The following GRSF1 variants were observed in gnomAD, a reference collection of about 807,000 sequenced individuals.
GRSF1 encodes the protein G-rich RNA sequence binding factor 1.
GRSF1 carries 50 observed loss-of-function variants against 51.1 expected under a neutral mutation model. The ratio of observed to expected loss-of-function variants is 0.98; its 90% confidence interval spans 0.78 to 1.24. The LOEUF is 1.24. GRSF1 is among the 50% of genes most tolerant of loss of function. GRSF1 has a pLI of 0.00. For missense variants in GRSF1, 700 were observed against 639.7 expected (o/e 1.09, Z -1.02); for synonymous variants, 293 against 253.3 (o/e 1.16, Z -1.49).
At chr4:70,826,495 T>C (rs921647633) in intron 6 of GRSF1, among the ~76,000 whole-genome samples, 1 of 150,112 alleles carries the variant, frequency 6.7e-6, no homozygotes, top group Non-Finnish European at 1.5e-5. Context: ...AAAATGATTA[T>C]GAATTAAACC....
At chr4:70,840,495 C>T (rs1056527174), upstream of GRSF1, among the ~76,000 whole-genome samples, 1 of 152,190 alleles carries the variant, frequency 6.6e-6, no homozygotes, top group South Asian at 2.1e-4. Context: ...GACGCGGTGG[C>T]TCCCGCCTGT....
At chr4:70,824,408 A>C in intron 8 of GRSF1, 40 bp from the exon 9 acceptor site, 1 of 1,050,014 alleles carries the variant, frequency 9.5e-7, no homozygotes, top group Non-Finnish European at 1.5e-6. Context: ...AAAGTTGAAA[A>C]GGTAGAAAAA....
chr4:70,828,349 A>T (rs1412759537), intron 5 of GRSF1, among the ~76,000 whole-genome samples: 1 of 152,240 alleles, frequency 6.6e-6, no homozygotes, highest in Non-Finnish European at 1.5e-5. Flanking sequence ...AGAAAAAATT[A>T]ATCTCATAAG....
At chr4:70,830,253 C>T (rs1056847307) in intron 5 of GRSF1, among the ~76,000 whole-genome samples, 1 of 151,986 alleles carries the variant, frequency 6.6e-6, no homozygotes, top group African/African-American at 2.4e-5. Flanking sequence ...ACAGCAAGAC[C>T]CCACCTACAA....
chr4:70,840,762 C>CCAAA (rs1209657971), upstream of GRSF1, among the ~76,000 whole-genome samples: 2 of 151,906 alleles, frequency 1.3e-5, no homozygotes, highest in Non-Finnish European at 2.9e-5. Context: ...GACGCCATCT[C>CCAAA]CAAACAAACA....
At chr4:70,833,624 T>C (rs1236752278) in intron 2 of GRSF1, among the ~76,000 whole-genome samples, 2 of 152,248 alleles carry the variant, frequency 1.3e-5, no homozygotes, top group African/African-American at 4.8e-5. Flanking sequence ...TGTCTTCCTT[T>C]AAAATCATCT....
chr4:70,835,490 T>G (rs1366853451), intron 2 of GRSF1, among the ~76,000 whole-genome samples: 8 of 140,660 alleles, frequency 5.7e-5, no homozygotes, highest in Non-Finnish European at 1.5e-5. Context: ...AGAGTCTCAC[T>G]CTGTCGCCCA....
chr4:70,827,372 A>C (rs1345626102), intron 6 of GRSF1, among the ~76,000 whole-genome samples: 1 of 152,110 alleles, frequency 6.6e-6, no homozygotes, highest in Non-Finnish European at 1.5e-5. Context: ...TTGACATCTT[A>C]CTTCCTTTTA....
In GRSF1 at chr4:70,820,341, T is replaced by C. The variant is rs1733453329; in HGVS notation, c.*546A>G. ...TTGTTTTGATTTTTAAAAATTCCTA[T>C]CTCTAAGTAATCAAATACAGCAAAA... On this transcript the variant is annotated 3_prime_UTR_variant, in exon 10 of 10. Coordinates refer to ENST00000254799, the MANE Select transcript of GRSF1 (RefSeq NM_002092.4). 6.6e-6 allele frequency: 1 copy of C among 152,586 alleles called. No homozygotes were observed. The highest frequency in any genetic ancestry group is 2.4e-5 in the African/African-American group (1 of 41,442). The allele number at this position is 152,586 out of a possible 1,614,324, so 9.5% of individuals were successfully genotyped here.
chr4:70,827,706 G>A (rs1733791583), intron 6 of GRSF1, 146 bp downstream of exon 6: 1 of 620,696 alleles, frequency 1.6e-6, no homozygotes, highest in East Asian at 2.8e-5. Flanking sequence ...TTGAACCCAG[G>A]AGGTAGAGGC....
chr4:70,842,829 A>G (rs961508305), upstream of GRSF1, among the ~76,000 whole-genome samples: 5 of 152,180 alleles, frequency 3.3e-5, no homozygotes, highest in African/African-American at 1.2e-4. Flanking sequence ...GAGTATAAAT[A>G]ATAAGAGGCA....
rs768891880 is a variant in GRSF1, at chr4:70,836,157, C to T, written c.514+1G>A. On this transcript the variant is annotated splice_donor_variant, in intron 2 of 9. Coordinates refer to ENST00000254799, the MANE Select transcript of GRSF1 (RefSeq NM_002092.4). LOFTEE classifies it high-confidence loss of function. Reference sequence around the variant, plus strand: ...ATAAATAAAACATACATAAAATATACCTGAAAAAAAGTTAAGCACATCTTC... The same window carrying T: ...ATAAATAAAACATACATAAAATATATCTGAAAAAAAGTTAAGCACATCTTC... The T allele has an allele frequency of 1.3e-6, 2 of 1,491,032 alleles. No individual in the cohort carries two copies. The highest frequency in any genetic ancestry group is 1.8e-6 in the Non-Finnish European group (2 of 1,116,702). The allele number at this position is 1,491,032 out of a possible 1,614,324, so 92.4% of individuals were successfully genotyped here. A position where few individuals can be genotyped will look rare whatever the true frequency, so the allele number is the denominator to read the frequency against.
chr4:70,826,712 G>C (rs533630425), intron 6 of GRSF1, among the ~76,000 whole-genome samples: 1 of 152,040 alleles, frequency 6.6e-6, no homozygotes, highest in Non-Finnish European at 1.5e-5. Flanking sequence ...GCTGGGCATG[G>C]TGATGCATGC....
intron 1 of GRSF1, among the ~76,000 whole-genome samples, chr4:70,838,642 A>C (rs1734322059): frequency 6.6e-6 from 1 of 151,792 alleles, no homozygotes; most frequent in South Asian, 2.1e-4. Context: ...CCACGTACCA[A>C]GAAGAGAAAG....
At chr4:70,831,430 C>T in intron 5 of GRSF1, 109 bp downstream of exon 5, 1 of 957,216 alleles carries the variant, frequency 1.0e-6, no homozygotes, top group Non-Finnish European at 1.5e-6. Context: ...CACTACACTA[C>T]TCTCTCTACT....
chr4:70,835,131 T>C (rs1256264059), intron 2 of GRSF1, among the ~76,000 whole-genome samples: 1 of 151,884 alleles, frequency 6.6e-6, no homozygotes, highest in Non-Finnish European at 1.5e-5. Flanking sequence ...ATCTCACTCT[T>C]TGTTATGGCT....
intron 9 of GRSF1, 52 bp downstream of exon 9, chr4:70,824,242 T>A: frequency 1.3e-6 from 1 of 784,984 alleles, no homozygotes; most frequent in South Asian, 1.5e-5. Context: ...AGTACTGGGA[T>A]TACAGGTGTG....
rs1578286969 is a variant in GRSF1 at position 70,816,374 on chromosome 4, C to T, written c.*4513G>A. 1 of 150,420 alleles carries T rather than the reference C, an allele frequency of 6.6e-6. No homozygotes were observed. The highest frequency in any genetic ancestry group is 2.0e-4 in the East Asian group (1 of 5,082). 9.3% of individuals were successfully genotyped at this position (150,420 alleles called of 1,614,324 possible). A position where few individuals can be genotyped will look rare whatever the true frequency, so the allele number is the denominator to read the frequency against. On this transcript the variant is annotated 3_prime_UTR_variant, in exon 10 of 10. Transcript: ENST00000254799. ...AAAAAAAAAAAAAAAAAGAAAAAAC[C>T]TCATCAAATGATACACTTAACATTT... is the stretch of plus-strand genomic sequence containing the variant.
Position 70,838,337 on chromosome 4 carries a change from G to A in GRSF1, c.357+1134C>T, listed in dbSNP as rs191807370. Among the ~76,000 whole-genome samples, 697 of 150,090 alleles carry A rather than the reference G, an allele frequency of 4.6e-3. 9 individuals are homozygous for A. The highest frequency in any genetic ancestry group is 0.016 in the African/African-American group (655 of 40,918). ...GCAGTCAATTTCATAGAAAAAAAAAGAGAGAAGCTAGCTCACAAAGGTTTA... is the reference window on the plus strand; with the variant it reads ...GCAGTCAATTTCATAGAAAAAAAAAAAGAGAAGCTAGCTCACAAAGGTTTA... On this transcript the variant is annotated intron_variant, in intron 1 of 9. Coordinates refer to ENST00000254799, the MANE Select transcript of GRSF1 (RefSeq NM_002092.4).
Sources: allele counts gnomAD v4.1 joint callset (sites outside exome capture counted in the v4.1 genomes callset), GRCh38; gene constraint gnomAD v4.1.1; transcripts MANE v1.5; gene names NCBI Gene and HGNC (gene_info 2026-07-23, HGNC 2026-07-21).